CD5: variants seen among roughly 807,000 people sequenced by gnomAD.
CD5 encodes the protein T-cell surface glycoprotein CD5.
In CD5, 36 loss-of-function variants were observed where a neutral mutation model predicts 60.3. That is an observed-to-expected ratio of 0.60 (90% CI 0.46 to 0.79). The LOEUF is 0.79. Among genes scored for constraint, CD5 ranks in the 30% least tolerant of loss-of-function variants. The probability of loss-of-function intolerance (pLI) is 0.00; values close to 1 mark genes in which losing one functional copy is unlikely to be tolerated. For synonymous variants in CD5, 230 were observed against 257.6 expected, an observed-to-expected ratio of 0.89 and a Z score of 1.03; for missense variants, 540 against 630.6, an observed-to-expected ratio of 0.86 and a Z score of 1.54.
chr11:61,107,526 C>G (rs955203682), intron 1 of CD5, among the ~76,000 whole-genome samples: 1 of 152,224 alleles, frequency 6.6e-6, no homozygotes, highest in African/African-American at 2.4e-5. Flanking sequence ...TGGGGCAGCA[C>G]CCTGCGTTCA....
At chr11:61,104,814 G>C (rs530366194) in intron 1 of CD5, among the ~76,000 whole-genome samples, 1 of 152,372 alleles carries the variant, frequency 6.6e-6, no homozygotes, top group East Asian at 1.9e-4. Context: ...GGAAGGCCGA[G>C]TGCAAACCCA....
At chr11:61,112,154 C>T (rs1020594876) in intron 1 of CD5, among the ~76,000 whole-genome samples, 2 of 152,178 alleles carry the variant, frequency 1.3e-5, no homozygotes, top group Non-Finnish European at 2.9e-5. Context: ...CCTTAGCCCT[C>T]GAGACTTAGC....
chr11:61,111,336 C>A (rs1360894352), intron 1 of CD5, among the ~76,000 whole-genome samples: 1 of 152,142 alleles, frequency 6.6e-6, no homozygotes, highest in African/African-American at 2.4e-5. Flanking sequence ...GCCATATTAC[C>A]CGGGACAGGG....
chr11:61,107,963 C>G (rs1253018692), intron 1 of CD5, among the ~76,000 whole-genome samples: 1 of 152,160 alleles, frequency 6.6e-6, no homozygotes, highest in Non-Finnish European at 1.5e-5. Context: ...GCTCTGGGGC[C>G]TCCCTGGGGT....
Position 61,118,382 on chromosome 11 carries a change from C to T in CD5, c.302C>T (p.Pro101Leu), listed in dbSNP as rs1290796965. The T allele has an allele frequency of 6.2e-7, 1 of 1,614,226 alleles. No homozygotes were observed. Among genetic ancestry groups the T allele is most frequent in the Non-Finnish European group, 8.5e-7 (1 of 1,180,026 alleles). ...GGCCCCTTCCTTGTCACCTACACAC[C>T]TCAGAGCTCAATCATCTGCTACGGA... is the stretch of plus-strand genomic sequence containing the variant. The part of the protein sequence containing the change: ...SLGPFLVTYT[P>L]QSSIICYGQL... Residue 101 changes from proline to leucine, a missense_variant, in exon 3 of 11, where the codon CCT (proline) becomes CTT (leucine). By Grantham distance (98) the Pro-to-Leu change is moderately conservative (BLOSUM62 -3). Transcript: ENST00000347785. The surrounding 1 kb of genome is among the most constrained non-coding windows in gnomAD (Gnocchi z 4.7).
chr11:61,117,462 C>T (rs947623790), intron 2 of CD5, among the ~76,000 whole-genome samples: 7 of 152,084 alleles, frequency 4.6e-5, no homozygotes, highest in African/African-American at 1.7e-4. Flanking sequence ...AAAATGAGTG[C>T]ATTTCACTGT....
At chr11:61,102,733 G>T (rs1469919823) in intron 1 of CD5, 118 bp downstream of exon 1, 1 of 924,484 alleles carries the variant, frequency 1.1e-6, no homozygotes. Flanking sequence ...CTGGAGCGTT[G>T]TGGAGATTTG....
chr11:61,115,196 C>A, intron 2 of CD5, 102 bp downstream of exon 2: 2 of 1,032,158 alleles, frequency 1.9e-6, no homozygotes, highest in Non-Finnish European at 1.4e-6. Flanking sequence ...TCACTTCTGC[C>A]AGAGTGAACC....
At chr11:61,098,827 G>C (rs927951196), upstream of CD5, among the ~76,000 whole-genome samples, 1 of 152,176 alleles carries the variant, frequency 6.6e-6, no homozygotes, top group Non-Finnish European at 1.5e-5. Context: ...TTTGTCTGTG[G>C]CTTGTCCTGC....
intron 6 of CD5, 150 bp downstream of exon 6, chr11:61,122,054 G>A: frequency 1.6e-6 from 1 of 611,832 alleles, no homozygotes. Flanking sequence ...AAATTGGAAG[G>A]CTAGGGAGCA....
intron 5 of CD5, 138 bp from the exon 6 acceptor site, chr11:61,121,473 G>T: frequency 3.4e-6 from 2 of 585,558 alleles, no homozygotes; most frequent in Non-Finnish European, 5.3e-6. Flanking sequence ...AGAAAAGAAG[G>T]CTGCCTCTCC....
chr11:61,109,995 G>A (rs911674413), intron 1 of CD5, among the ~76,000 whole-genome samples: 1 of 152,120 alleles, frequency 6.6e-6, no homozygotes, highest in African/African-American at 2.4e-5. Flanking sequence ...GGCAATAGCA[G>A]GAGCCTCAGG....
chr11:61,098,834 C>G (rs1860617845), upstream of CD5, among the ~76,000 whole-genome samples: 2 of 152,318 alleles, frequency 1.3e-5, no homozygotes, highest in Middle Eastern at 3.4e-3. Context: ...GTGGCTTGTC[C>G]TGCTACAGGT....
At chr11:61,116,794 C>T (rs1860970593) in intron 2 of CD5, among the ~76,000 whole-genome samples, 1 of 144,210 alleles carries the variant, frequency 6.9e-6, no homozygotes, top group African/African-American at 2.6e-5. Flanking sequence ...ACACACACCA[C>T]CTGCACACTA....
At chr11:61,124,955 A>C (rs1410580887) in intron 8 of CD5, 77 bp from the exon 9 acceptor site, 4 of 1,587,108 alleles carry the variant, frequency 2.5e-6, no homozygotes, top group Non-Finnish European at 2.6e-6. Context: ...TAGGAGATTA[A>C]AGTTCTGGGC....
intron 6 of CD5, among the ~76,000 whole-genome samples, chr11:61,122,290 T>TGGTGGGTGGGTG (rs565706991): frequency 2.4e-5 from 2 of 84,622 alleles, no homozygotes; most frequent in Non-Finnish European, 4.7e-5. Flanking sequence ...ATGGATGGAT[T>TGGTGGGTGGGTG]GGTGGGTGGG....
chr11:61,115,472 G>T (rs574622748), intron 2 of CD5, among the ~76,000 whole-genome samples: 1 of 152,304 alleles, frequency 6.6e-6, no homozygotes, highest in African/African-American at 2.4e-5. Flanking sequence ...TGCAGAGAGA[G>T]GCCGCAGACT....
chr11:61,121,313 C>T (rs1204144678), intron 5 of CD5, among the ~76,000 whole-genome samples: 4 of 152,266 alleles, frequency 2.6e-5, no homozygotes, highest in Admixed American at 6.5e-5. Flanking sequence ...GGCATGGAGC[C>T]GACTCCCTGC....
the CD5 span, among the ~76,000 whole-genome samples, chr11:61,096,106 T>C: frequency 5.9e-5 from 9 of 152,326 alleles, no homozygotes; most frequent in African/African-American, 1.7e-4. Flanking sequence ...TTACTGGCCA[T>C]GGCCATTATG....
Sources: allele counts gnomAD v4.1 joint callset (sites outside exome capture counted in the v4.1 genomes callset), GRCh38; gene constraint gnomAD v4.1.1; non-coding constraint Gnocchi (gnomAD v3.1); transcripts MANE v1.5; gene names NCBI Gene and HGNC (gene_info 2026-07-23, HGNC 2026-07-21).